Variants in SNX24 observed in about 807,000 individuals in gnomAD.
SNX24 encodes sorting nexin-24.
SNX24 carries 22 observed loss-of-function variants against 28.7 expected under a neutral mutation model. The observed-to-expected ratio is 0.77, with a 90% CI of 0.55 to 1.10. The LOEUF (loss-of-function observed/expected upper bound fraction) is 1.10. Ranked by LOEUF, SNX24 falls within the 50% of genes least tolerant of loss-of-function variation. The pLI, the probability that SNX24 is intolerant of heterozygous loss-of-function variation, is 0.00. For missense variants in SNX24, 221 were observed against 201.1 expected, an observed-to-expected ratio of 1.10 and a Z score of -0.60; for synonymous variants, 69 against 71.5, an observed-to-expected ratio of 0.96 and a Z score of 0.18.
intron 1 of SNX24, among the ~76,000 whole-genome samples, chr5:122,907,552 G>A (rs532523611): frequency 6.6e-6 from 1 of 152,228 alleles, no homozygotes; most frequent in South Asian, 2.1e-4. Context: ...AAAATATTAG[G>A]AGTCTGTCTG....
At chr5:122,974,544 T>A (rs1019017191) in intron 3 of SNX24, among the ~76,000 whole-genome samples, 2 of 152,244 alleles carry the variant, frequency 1.3e-5, no homozygotes, top group Non-Finnish European at 2.9e-5. Flanking sequence ...AATGGCTGCA[T>A]ACCAGGTACC....
chr5:122,858,394 T>C (rs1688218791), intron 1 of SNX24, among the ~76,000 whole-genome samples: 1 of 152,278 alleles, frequency 6.6e-6, no homozygotes, highest in Admixed American at 6.5e-5. Context: ...AAATGCAGTA[T>C]CTGCAAAGCA....
chr5:122,940,225 C>A (rs2150120339), intron 2 of SNX24, among the ~76,000 whole-genome samples: 2 of 152,200 alleles, frequency 1.3e-5, no homozygotes, highest in South Asian at 4.2e-4. Context: ...AACTCCTGAC[C>A]TCAGGTGATC....
At chr5:122,876,652 A>G (rs1435656518) in intron 1 of SNX24, among the ~76,000 whole-genome samples, 1 of 152,208 alleles carries the variant, frequency 6.6e-6, no homozygotes, top group Non-Finnish European at 1.5e-5. Context: ...AGGAGTTTTT[A>G]GTTTAGCTCT....
chr5:122,995,310 A>G (rs927424000), intron 3 of SNX24, among the ~76,000 whole-genome samples: 1 of 152,244 alleles, frequency 6.6e-6, no homozygotes, highest in African/African-American at 2.4e-5. Flanking sequence ...ACAGTTAGTT[A>G]ACTTAAAAGA....
At chr5:122,944,443 A>C (rs1340111289) in intron 2 of SNX24, among the ~76,000 whole-genome samples, 3 of 151,904 alleles carry the variant, frequency 2.0e-5, no homozygotes, top group Non-Finnish European at 2.9e-5. Context: ...TTTTTCCCCC[A>C]AAAAAAGAAG....
intron 1 of SNX24, among the ~76,000 whole-genome samples, chr5:122,895,762 A>G (rs1335951817): frequency 6.6e-6 from 1 of 152,228 alleles, no homozygotes. Flanking sequence ...TATTTGAGCC[A>G]TAATAGGACT....
intron 2 of SNX24, among the ~76,000 whole-genome samples, chr5:122,943,127 G>C (rs1759532978): frequency 1.3e-5 from 2 of 152,090 alleles, no homozygotes; most frequent in South Asian, 4.1e-4. Flanking sequence ...ACAGTATAGA[G>C]ATTAAATATG....
rs532384359 is a variant in SNX24 at position 122,864,991 on chromosome 5, C to T, written c.60+19298C>T. Among the ~76,000 whole-genome samples, 5 of 152,338 alleles carry T rather than the reference C, an allele frequency of 3.3e-5. No homozygotes were observed. In the South Asian group the frequency reaches 1.0e-3, roughly 32 times the overall value. ...TGCACTCAGGAATGAACAAGGACAG[C>T]TTGGAGGTTGGAAGCAAGATGGAGT... is the stretch of plus-strand genomic sequence containing the variant. On this transcript the variant is annotated intron_variant, in intron 1 of 6. Transcript: ENST00000261369.
intron 5 of SNX24, among the ~76,000 whole-genome samples, chr5:123,026,721 G>C (rs950158256): frequency 3.9e-5 from 6 of 152,184 alleles, no homozygotes; most frequent in African/African-American, 1.4e-4. Flanking sequence ...GAGAACCAAA[G>C]CAAGGCAGGA....
intron 5 of SNX24, chr5:123,026,067 A>C: frequency 9.5e-7 from 1 of 1,047,934 alleles, no homozygotes; most frequent in Middle Eastern, 2.9e-4. Context: ...CTAGAACCCT[A>C]TAGGAGGTAG....
rs2150150050 is a variant in SNX24 at position 122,973,827 on chromosome 5, T to C, written c.250-26085T>C. Among the ~76,000 whole-genome samples the C allele has an allele frequency of 2.6e-5, 4 of 152,300 alleles. 1 individual carries two copies. The South Asian group carries it at 8.3e-4, about 32-fold the overall frequency. On this transcript the variant is annotated intron_variant, in intron 3 of 6. Coordinates refer to ENST00000261369, the MANE Select transcript of SNX24 (RefSeq NM_014035.4). ...CAAAAGGAGAGTAGTTATCTGCAGA[T>C]GATGGCAGGGCCTTGCTCCAAAAAT...
intron 1 of SNX24, among the ~76,000 whole-genome samples, chr5:122,922,293 C>G (rs1758466023): frequency 6.6e-6 from 1 of 152,072 alleles, no homozygotes; most frequent in African/African-American, 2.4e-5. Flanking sequence ...CACTCTGTCA[C>G]CCAGGCTGGA....
At chr5:122,848,417 A>C (rs1399417029) in intron 1 of SNX24, among the ~76,000 whole-genome samples, 1 of 151,718 alleles carries the variant, frequency 6.6e-6, no homozygotes, top group Admixed American at 6.6e-5. Flanking sequence ...TTAAAATTTA[A>C]AACGGCCGGG....
At chr5:122,968,765 A>G (rs975301678) in intron 3 of SNX24, among the ~76,000 whole-genome samples, 1 of 152,128 alleles carries the variant, frequency 6.6e-6, no homozygotes, top group Non-Finnish European at 1.5e-5. Flanking sequence ...TATTATCACT[A>G]CTCATATTAG....
intron 3 of SNX24, among the ~76,000 whole-genome samples, chr5:122,997,295 A>G (rs971069063): frequency 2.6e-5 from 4 of 152,208 alleles, no homozygotes; most frequent in African/African-American, 9.6e-5. Context: ...CCCAAAGTAC[A>G]TATTGGTCAT....
downstream of SNX24, among the ~76,000 whole-genome samples, chr5:123,009,918 A>G (rs1186381238): frequency 6.6e-6 from 1 of 152,254 alleles, no homozygotes; most frequent in African/African-American, 2.4e-5. Context: ...CTCTTGAGGT[A>G]AACAGCATGA....
chr5:123,028,444 C>T, intron 5 of SNX24: 1 of 211,404 alleles, frequency 4.7e-6, no homozygotes, highest in Non-Finnish European at 9.3e-6. Context: ...AACGCAGCTT[C>T]ATGTTCCACA....
intron 1 of SNX24, among the ~76,000 whole-genome samples, chr5:122,894,267 C>T (rs1757107810): frequency 6.6e-6 from 1 of 152,100 alleles, no homozygotes; most frequent in Non-Finnish European, 1.5e-5. Flanking sequence ...TTATTAGGTT[C>T]TGGTTTGTAC....
Sources: gnomAD v4.1 joint callset for allele counts (sites outside exome capture counted in the v4.1 genomes callset) on GRCh38, gnomAD v4.1.1 for gene constraint, MANE v1.5 for transcripts, NCBI Gene and HGNC (gene_info 2026-07-23, HGNC 2026-07-21) for gene names.